Variants in ITK observed in about 807,000 individuals in gnomAD.
The protein encoded by ITK is IL2 inducible T cell kinase.
ITK carries 45 observed loss-of-function variants against 87.6 expected under a neutral mutation model. The ratio of observed to expected loss-of-function variants is 0.51; its 90% CI spans 0.40 to 0.66. ITK has a LOEUF of 0.66. ITK is among the 30% of genes least tolerant of loss of function. The pLI is 0.00. For synonymous variants in ITK, 303 were observed against 273.6 expected (o/e 1.11, Z -1.06); for missense variants, 605 against 766.3 (o/e 0.79, Z 2.48).
Position 157,252,816 on chromosome 5 carries a change from C to T in ITK, c.*138C>T. On this transcript the variant is annotated 3_prime_UTR_variant, in exon 17 of 17. Transcript: ENST00000422843. ...TGGCCTGTGGCATCAGTCCCTGAGT[C>T]ACCATGGAAGCAGCATCCTGACCAC... 1.4e-6 allele frequency: 1 copy of T among 729,072 alleles called. No individual in the cohort carries two copies. The highest frequency in any genetic ancestry group is 2.5e-6 in the Non-Finnish European group (1 of 402,624). The allele number at this position is 729,072 out of a possible 1,614,324, so 45.2% of individuals were successfully genotyped here.
chr5:157,225,957 A>C (rs1282645438), intron 6 of ITK, among the ~76,000 whole-genome samples: 1 of 152,214 alleles, frequency 6.6e-6, no homozygotes, highest in Non-Finnish European at 1.5e-5. Flanking sequence ...GGAAAGGCTT[A>C]ACTATGCACT....
intron 1 of ITK, among the ~76,000 whole-genome samples, chr5:157,197,172 G>T (rs1425677129): frequency 6.6e-6 from 1 of 152,092 alleles, no homozygotes; most frequent in Non-Finnish European, 1.5e-5. Flanking sequence ...TACTTTATTA[G>T]AATCTATGAA....
chr5:157,252,603 C>G lies in ITK; in HGVS notation c.1792-4C>G, dbSNP rs201859710. 2 of 1,612,960 alleles carry G rather than the reference C, an allele frequency of 1.2e-6. No individual in the cohort carries two copies. Among genetic ancestry groups the G allele is most frequent in the Non-Finnish European group, 1.7e-6 (2 of 1,178,910 alleles). ...ACTTACAGAGTTCTTTTTTCCCTCT[C>G]CAGAGACCAGAAGATCGGCCAGCCT... On this transcript the variant is annotated splice_polypyrimidine_tract_variant and splice_region_variant and intron_variant, in intron 16 of 16. Coordinates refer to ENST00000422843, the MANE Select transcript of ITK (RefSeq NM_005546.4).
At chr5:157,239,974 A>C in intron 9 of ITK, 88 bp from the exon 10 acceptor site, 1 of 1,308,600 alleles carries the variant, frequency 7.6e-7, no homozygotes, top group Non-Finnish European at 1.1e-6. Flanking sequence ...TATAAGACAA[A>C]GATAATAAGA....
At chr5:157,234,245 G>A (rs1301459107) in intron 8 of ITK, among the ~76,000 whole-genome samples, 3 of 151,798 alleles carry the variant, frequency 2.0e-5, no homozygotes, top group Non-Finnish European at 2.9e-5. Context: ...GCCTCCCAGA[G>A]TGCTGGGATT....
At chr5:157,243,510 A>G in intron 11 of ITK, 113 bp from the exon 12 acceptor site, 1 of 864,528 alleles carries the variant, frequency 1.2e-6, no homozygotes, top group Non-Finnish European at 2.0e-6. Flanking sequence ...GCCATCTTTG[A>G]ATTATATTAA....
At chr5:157,203,869 T>A (rs1406935346) in intron 1 of ITK, among the ~76,000 whole-genome samples, 2 of 152,216 alleles carry the variant, frequency 1.3e-5, no homozygotes, top group Non-Finnish European at 1.5e-5. Flanking sequence ...TTTTCCTTTA[T>A]ATATACCCTA....
intron 1 of ITK, among the ~76,000 whole-genome samples, chr5:157,187,270 A>ACTAT (rs1753663114): frequency 6.6e-6 from 1 of 152,218 alleles, no homozygotes; most frequent in Non-Finnish European, 1.5e-5. Context: ...CCTCCATTGA[A>ACTAT]CTATCAGCTT....
chr5:157,218,011 C>A, intron 5 of ITK, 104 bp downstream of exon 5: 2 of 1,020,668 alleles, frequency 2.0e-6, no homozygotes, highest in Non-Finnish European at 1.6e-6. Flanking sequence ...CAAACCCTGG[C>A]TGCATGCAGC....
chr5:157,194,300 G>A (rs1753810812), intron 1 of ITK, among the ~76,000 whole-genome samples: 1 of 152,138 alleles, frequency 6.6e-6, no homozygotes, highest in Admixed American at 6.5e-5. Context: ...AACTCTATGG[G>A]CTGACAAACA....
intron 4 of ITK, among the ~76,000 whole-genome samples, chr5:157,215,549 C>T (rs922824064): frequency 2.0e-5 from 3 of 152,170 alleles, no homozygotes; most frequent in Non-Finnish European, 2.9e-5. Context: ...CATATTCATG[C>T]GGGCCAATAT....
intron 15 of ITK, among the ~76,000 whole-genome samples, chr5:157,247,041 G>A (rs766239036): frequency 2.0e-5 from 3 of 152,198 alleles, no homozygotes; most frequent in Non-Finnish European, 4.4e-5. Context: ...TGGATTACAA[G>A]AATTATACTG....
At position 157,245,231 on chromosome 5, in the gene ITK, A is replaced by C. The variant is rs867609730; in HGVS notation, c.1450-495A>C. Reference sequence around the variant, plus strand: ...CACAGTAAGACTCCATCTAAAAAAAAAAAAAAAAAAAAAATTGAGACACAC... The same window carrying C: ...CACAGTAAGACTCCATCTAAAAAAACAAAAAAAAAAAAAATTGAGACACAC... On this transcript the variant is annotated intron_variant, in intron 13 of 16. Transcript: ENST00000422843. 32 of 208,298 alleles carry C rather than the reference A, an allele frequency of 1.5e-4. No individual in the cohort carries two copies. In the South Asian group the frequency reaches 2.4e-3, roughly 16 times the overall value. 12.9% of individuals were successfully genotyped at this position (208,298 alleles called of 1,614,324 possible). A position where few individuals can be genotyped will look rare whatever the true frequency, so the allele number is the denominator to read the frequency against.
chr5:157,195,463 A>G (rs1222332238), intron 1 of ITK: 1 of 152,218 alleles, frequency 6.6e-6, no homozygotes, highest in Non-Finnish European at 1.5e-5. Context: ...GAGATAATAC[A>G]TTCACATAAT....
chr5:157,207,527 C>T (rs962020026), intron 1 of ITK, among the ~76,000 whole-genome samples: 1 of 151,732 alleles, frequency 6.6e-6, no homozygotes, highest in Non-Finnish European at 1.5e-5. Flanking sequence ...ATTATAGGCG[C>T]CCGCCACCAC....
At chr5:157,206,771 TC>T (rs1480903268) in intron 1 of ITK, among the ~76,000 whole-genome samples, 1 of 152,208 alleles carries the variant, frequency 6.6e-6, no homozygotes, top group East Asian at 1.9e-4. Flanking sequence ...GGATCTTCCT[TC>T]TTTTCTTCTT....
At chr5:157,198,694 G>A (rs1753899729) in intron 1 of ITK, among the ~76,000 whole-genome samples, 1 of 152,182 alleles carries the variant, frequency 6.6e-6, no homozygotes, top group South Asian at 2.1e-4. Context: ...ACAGCTCATT[G>A]CAAATTGCTC....
intron 1 of ITK, among the ~76,000 whole-genome samples, chr5:157,192,119 TGA>T (rs956397062): frequency 1.3e-5 from 2 of 152,144 alleles, no homozygotes; most frequent in African/African-American, 2.4e-5. Flanking sequence ...AATGTTTTAG[TGA>T]GAGAGAGGGG....
At chr5:157,219,188 C>T (rs1754362879) in intron 5 of ITK, among the ~76,000 whole-genome samples, 1 of 150,606 alleles carries the variant, frequency 6.6e-6, no homozygotes, top group Non-Finnish European at 1.5e-5. Context: ...TCTCGGCTCA[C>T]TGCAACCTCC....
Sources: gnomAD v4.1 joint callset for allele counts (sites outside exome capture counted in the v4.1 genomes callset) on GRCh38, gnomAD v4.1.1 for gene constraint, MANE v1.5 for transcripts, NCBI Gene and HGNC (gene_info 2026-07-23, HGNC 2026-07-21) for gene names.